The following ZDHHC16 variants were observed in gnomAD, a reference collection of about 807,000 sequenced individuals.
ZDHHC16 encodes the protein palmitoyltransferase ZDHHC16.
In ZDHHC16, 33 loss-of-function variants were observed where a neutral mutation model predicts 54.4. That is an observed-to-expected ratio of 0.61 (90% confidence interval 0.46 to 0.81). The LOEUF (loss-of-function observed/expected upper bound fraction) is 0.81. Ranked by LOEUF, ZDHHC16 falls within the 30% of genes least tolerant of loss-of-function variation. The pLI is 0.00. For synonymous variants in ZDHHC16, 185 were observed against 182.1 expected, an observed-to-expected ratio of 1.02 and a Z score of -0.13; for missense variants, 420 against 485.9, an observed-to-expected ratio of 0.86 and a Z score of 1.28.
At chr10:97,456,292 C>G (rs1847176444) in intron 11 of ZDHHC16, 1 of 493,142 alleles carries the variant, frequency 2.0e-6, no homozygotes, top group African/African-American at 2.0e-5. Context: ...CAGGAAGGGG[C>G]CTCTGGGTGT....
intron 2 of ZDHHC16, among the ~76,000 whole-genome samples, chr10:97,451,410 A>G (rs780372432): frequency 5.9e-5 from 9 of 152,202 alleles, no homozygotes; most frequent in Admixed American, 1.3e-4. Context: ...TGGATTTGCT[A>G]TGCAACCATG....
chr10:97,455,049 T>C (rs1427238251), intron 9 of ZDHHC16, among the ~76,000 whole-genome samples: 2 of 152,188 alleles, frequency 1.3e-5, no homozygotes. Context: ...AACTCCTTAT[T>C]TAATCTTAGC....
chr10:97,446,183 G>T lies in ZDHHC16; in HGVS notation c.-356G>T. On this transcript the variant is annotated 5_prime_UTR_variant, in exon 1 of 12. In the 5' UTR this introduces an upstream ATG that the reference lacks. Coordinates refer to ENST00000393760, the MANE Select transcript of ZDHHC16 (RefSeq NM_198046.3). ...CGCTGGCGCCTGCGCGTGTGGTTGAGGATGGGCTGGCGGCGGGTCCGGGTC... is the reference window on the plus strand; with the variant it reads ...CGCTGGCGCCTGCGCGTGTGGTTGATGATGGGCTGGCGGCGGGTCCGGGTC... 1 of 765,178 alleles carries T rather than the reference G, an allele frequency of 1.3e-6. No individual in the cohort carries two copies. The highest frequency in any genetic ancestry group is 2.1e-6 in the Non-Finnish European group (1 of 473,082). 47.4% of individuals were successfully genotyped at this position (765,178 alleles called of 1,614,324 possible).
intron 6 of ZDHHC16, 152 bp downstream of exon 6, chr10:97,453,075 A>T: frequency 1.1e-6 from 1 of 935,992 alleles, no homozygotes; most frequent in African/African-American, 1.7e-5. Context: ...CAGGAAGCTC[A>T]CACTCTAGGA....
chr10:97,453,914 G>A (rs1846905632), intron 8 of ZDHHC16, 68 bp downstream of exon 8: 1 of 1,604,044 alleles, frequency 6.2e-7, no homozygotes, highest in South Asian at 1.1e-5. Flanking sequence ...TAAGGCATCT[G>A]GGGCCGACCT....
In ZDHHC16 at chr10:97,454,704, C is replaced by A. The variant is rs749787245; in HGVS notation, c.739-10C>A. 1.2e-6 allele frequency: 2 copies of A among 1,613,874 alleles called. No individual in the cohort carries two copies. Among genetic ancestry groups the A allele is most frequent in the Non-Finnish European group, 1.7e-6 (2 of 1,179,916 alleles). On this transcript the variant is annotated splice_polypyrimidine_tract_variant and intron_variant, in intron 8 of 11. Coordinates refer to ENST00000393760, the MANE Select transcript of ZDHHC16 (RefSeq NM_198046.3). ...GCAAATGAGCCAGCTTTGCTGTTTT[C>A]TTTTTCTAGACTTATCACCAGACCC...
chr10:97,451,985 C>T (rs1315640454), intron 3 of ZDHHC16, 67 bp downstream of exon 3: 99 of 1,592,032 alleles, frequency 6.2e-5, no homozygotes, highest in Non-Finnish European at 8.3e-5. Flanking sequence ...CTCTCACAGA[C>T]CCAACCCAGG....
intron 1 of ZDHHC16, among the ~76,000 whole-genome samples, chr10:97,447,256 T>C (rs1846161724): frequency 6.6e-6 from 1 of 152,242 alleles, no homozygotes. Context: ...ATCTCCTACT[T>C]GAGATTGCAA....
rs1355439738 is a variant in ZDHHC16, at chr10:97,446,329, T to C, written c.-210T>C. 2 of 426,538 alleles carry C rather than the reference T, an allele frequency of 4.7e-6. No homozygotes were observed. The highest frequency in any genetic ancestry group is 4.3e-6 in the Non-Finnish European group (1 of 235,112). The allele number at this position is 426,538 out of a possible 1,614,324, so 26.4% of individuals were successfully genotyped here. A position where few individuals can be genotyped will look rare whatever the true frequency, so the allele number is the denominator to read the frequency against. On this transcript the variant is annotated 5_prime_UTR_variant, in exon 1 of 12. Coordinates refer to ENST00000393760, the MANE Select transcript of ZDHHC16 (RefSeq NM_198046.3). ...CAGAGGCTACGGGGCTCGGTTTGGC[T>C]GACTGGGGAGTCGGCAGGCGGCAGG...
At chr10:97,447,861 T>C (rs1218560999) in intron 1 of ZDHHC16, among the ~76,000 whole-genome samples, 2 of 151,410 alleles carry the variant, frequency 1.3e-5, no homozygotes, top group Admixed American at 6.6e-5. Flanking sequence ...AGGCGGAGGT[T>C]GTGGTGAGCC....
intron 6 of ZDHHC16, 22 bp downstream of exon 6, chr10:97,452,945 T>A: frequency 6.2e-7 from 1 of 1,614,216 alleles, no homozygotes; most frequent in Non-Finnish European, 8.5e-7. Context: ...CTTTCTCTTC[T>A]GCCTGAGGCC....
In ZDHHC16 at chr10:97,452,428, T is replaced by A. The variant is rs1236056811; in HGVS notation, c.452T>A (p.Ile151Asn). ...PGYPPQGRND[I>N]ATVSICKKCI... ...CCCTTCACACAGGGCAGGAATGATATCGCCACCGTCTCCATCTGTAAGAAG... is the reference window on the plus strand; with the variant it reads ...CCCTTCACACAGGGCAGGAATGATAACGCCACCGTCTCCATCTGTAAGAAG... The change falls in exon 5 of 12, where the codon ATC becomes AAC. Residue 151 changes from isoleucine to asparagine, a missense_variant. Ile to Asn is a moderately radical substitution (Grantham distance 149). Coordinates refer to ENST00000393760, the MANE Select transcript of ZDHHC16 (RefSeq NM_198046.3). 3 of 1,614,112 alleles carry A rather than the reference T, an allele frequency of 1.9e-6. No homozygotes were observed. Among genetic ancestry groups the A allele is most frequent in the Non-Finnish European group, 2.5e-6 (3 of 1,180,002 alleles).
chr10:97,452,415 G>C lies in ZDHHC16; in HGVS notation c.439G>C (p.Gly147Arg). ...ITTPPGYPPQ[G>R]RNDIATVSIC... ...CACGTTATGCTCTCCCTTCACACAG[G>C]GCAGGAATGATATCGCCACCGTCTC... is the stretch of plus-strand genomic sequence containing the variant. Residue 147 changes from glycine (G) to arginine (R), a missense_variant and splice_region_variant, in exon 5 of 12, where the codon GGC becomes CGC. Physicochemically the swap from Gly to Arg is moderately radical, Grantham distance 125. Transcript: ENST00000393760. The C allele has an allele frequency of 6.2e-7, 1 of 1,614,102 alleles. No homozygotes were observed. Among genetic ancestry groups the C allele is most frequent in the Non-Finnish European group, 8.5e-7 (1 of 1,180,006 alleles).
chr10:97,446,372 C>T lies in ZDHHC16; in HGVS notation c.-186+19C>T. Reference sequence around the variant, plus strand: ...GCGGCAGGTAAGGGCGAAGCCTCGGCCCTTGCTCCCCATCCTAGTCCCTTT... The same window carrying T: ...GCGGCAGGTAAGGGCGAAGCCTCGGTCCTTGCTCCCCATCCTAGTCCCTTT... On this transcript the variant is annotated intron_variant, in intron 1 of 11. Transcript: ENST00000393760. 2.9e-6 allele frequency: 1 copy of T among 349,972 alleles called. No homozygotes were observed. Among genetic ancestry groups the T allele is most frequent in the South Asian group, 2.7e-5 (1 of 36,870 alleles). 21.7% of individuals were successfully genotyped at this position (349,972 alleles called of 1,614,324 possible). A position where few individuals can be genotyped will look rare whatever the true frequency, so the allele number is the denominator to read the frequency against.
At chr10:97,448,056 G>A (rs1846267430) in intron 1 of ZDHHC16, 2 of 152,190 alleles carry the variant, frequency 1.3e-5, no homozygotes, top group Admixed American at 1.3e-4. Context: ...ACCCAAATCT[G>A]TATCTGTGCG....
At chr10:97,450,192 C>T (rs1406454477) in intron 1 of ZDHHC16, among the ~76,000 whole-genome samples, 165 bp from the exon 2 acceptor site, 8 of 152,064 alleles carry the variant, frequency 5.3e-5, no homozygotes, top group African/African-American at 1.9e-4. Flanking sequence ...CTTTTAGCTT[C>T]CTAGGAGGTG....
At chr10:97,451,977 C>G (rs1846674606) in intron 3 of ZDHHC16, 59 bp downstream of exon 3, 15 of 1,591,012 alleles carry the variant, frequency 9.4e-6, no homozygotes, top group East Asian at 4.5e-5. Flanking sequence ...GGACATGTCT[C>G]TCACAGACCC....
intron 8 of ZDHHC16, among the ~76,000 whole-genome samples, chr10:97,454,501 T>C (rs528692781): frequency 6.6e-6 from 1 of 152,312 alleles, no homozygotes; most frequent in African/African-American, 2.4e-5. Flanking sequence ...TGCTTCACCA[T>C]CCTGTCCAGA....
At chr10:97,455,517 G>C (rs1847086035) in intron 9 of ZDHHC16, 143 bp from the exon 10 acceptor site, 2 of 1,388,814 alleles carry the variant, frequency 1.4e-6, no homozygotes, top group Admixed American at 4.2e-5. Context: ...TGAAGTAAAA[G>C]TTTATCTAGG....
Sources: gnomAD v4.1 joint callset for allele counts (sites outside exome capture counted in the v4.1 genomes callset) on GRCh38, gnomAD v4.1.1 for gene constraint, MANE v1.5 for transcripts, NCBI Gene and HGNC (gene_info 2026-07-23, HGNC 2026-07-21) for gene names.